Variants in FER observed in about 807,000 individuals in gnomAD.
The protein encoded by FER is FER tyrosine kinase, also known as tyrosine-protein kinase Fer.
FER carries 63 observed loss-of-function variants against 111.0 expected under a neutral mutation model. The ratio of observed to expected loss-of-function variants is 0.57; its 90% CI spans 0.46 to 0.70. FER has a LOEUF of 0.70. FER is among the 30% of genes least tolerant of loss of function. The probability of loss-of-function intolerance (pLI) is 0.00; values close to 1 mark genes in which losing one functional copy is unlikely to be tolerated. For synonymous variants in FER, 327 were observed against 313.9 expected, an observed-to-expected ratio of 1.04 and a Z score of -0.44; for missense variants, 914 against 954.0, an observed-to-expected ratio of 0.96 and a Z score of 0.55.
chr5:108,985,038 T>G (rs1762409759), intron 13 of FER, among the ~76,000 whole-genome samples: 1 of 152,040 alleles, frequency 6.6e-6, no homozygotes, highest in Non-Finnish European at 1.5e-5. Context: ...AAAAGAATAA[T>G]TCCAAGATAA....
intron 17 of FER, among the ~76,000 whole-genome samples, chr5:109,159,463 ATTC>A (rs1023530533): frequency 2.0e-5 from 3 of 152,226 alleles, no homozygotes; most frequent in Non-Finnish European, 4.4e-5. Flanking sequence ...GAATGAATGA[ATTC>A]ATGCTGATGG....
Position 109,190,364 on chromosome 5 carries a change from T to TA in FER, c.*2790dup, listed in dbSNP as rs1759294201. 1 of 151,650 alleles carries TA rather than the reference T, an allele frequency of 6.6e-6. No individual in the cohort carries two copies. The highest frequency in any genetic ancestry group is 2.4e-5 in the African/African-American group (1 of 41,362). 9.4% of individuals were successfully genotyped at this position (151,650 alleles called of 1,614,324 possible). Reference sequence around the variant, plus strand: ...TGTGTTGTTAATGGATTATTCAAGATATATATATATATTCTTACTACTGCA... The same window carrying TA: ...TGTGTTGTTAATGGATTATTCAAGATAATATATATATATTCTTACTACTGCA... On this transcript the variant is annotated 3_prime_UTR_variant, in exon 20 of 20. Transcript: ENST00000281092.
chr5:108,990,227 T>C (rs1254104013), intron 13 of FER, among the ~76,000 whole-genome samples: 1 of 151,930 alleles, frequency 6.6e-6, no homozygotes, highest in African/African-American at 2.4e-5. Context: ...TACATAGTAT[T>C]AGAAGGAAAC....
At chr5:108,779,010 CTTTTT>C (rs202242084) in intron 2 of FER, among the ~76,000 whole-genome samples, 1 of 143,378 alleles carries the variant, frequency 7.0e-6, no homozygotes, top group African/African-American at 2.5e-5. Context: ...TGTCTAGGCT[CTTTTT>C]TTTTTTTGCA....
intron 13 of FER, among the ~76,000 whole-genome samples, chr5:108,986,535 A>T (rs866973990): frequency 5.7e-4 from 87 of 152,052 alleles, no homozygotes; most frequent in African/African-American, 2.0e-3. Context: ...CAGTGTCTAG[A>T]AGTGTTTTTC....
chr5:108,922,606 G>T (rs1320225164), intron 10 of FER, among the ~76,000 whole-genome samples: 3 of 152,006 alleles, frequency 2.0e-5, no homozygotes, highest in Non-Finnish European at 2.9e-5. Context: ...CCTAATTAAT[G>T]CTTAATGAAT....
At chr5:109,134,750 T>C (rs903434249) in intron 17 of FER, among the ~76,000 whole-genome samples, 2 of 152,164 alleles carry the variant, frequency 1.3e-5, no homozygotes, top group Non-Finnish European at 2.9e-5. Context: ...AGGAACAGCA[T>C]GTAAATGCAT....
intron 13 of FER, among the ~76,000 whole-genome samples, chr5:109,021,702 CTG>C (rs1334339197): frequency 3.9e-5 from 6 of 152,030 alleles, no homozygotes; most frequent in Non-Finnish European, 8.8e-5. Flanking sequence ...TTCTACTAAA[CTG>C]TATGTCTTCT....
At chr5:109,079,745 T>C (rs1434821032) in intron 16 of FER, among the ~76,000 whole-genome samples, 1 of 151,938 alleles carries the variant, frequency 6.6e-6, no homozygotes, top group Non-Finnish European at 1.5e-5. Context: ...GCACAGAAAA[T>C]ATCACATTAG....
chr5:109,082,442 A>G (rs909782056), intron 16 of FER, among the ~76,000 whole-genome samples: 3 of 152,062 alleles, frequency 2.0e-5, no homozygotes, highest in African/African-American at 7.2e-5. Context: ...TCTAGATAAA[A>G]TACATGGATT....
chr5:109,147,204 CATT>C lies in FER; in HGVS notation c.2049-33541_2049-33539del, dbSNP rs1247127879. On this transcript the variant is annotated intron_variant, in intron 17 of 19. Transcript: ENST00000281092. ...TTAAAAAATGTTAAAATTGAATAGT[CATT>C]AAAGAAATACAGAATAAAAATAAAT... Among the ~76,000 whole-genome samples the C allele has an allele frequency of 3.3e-5, 5 of 151,802 alleles. No individual in the cohort carries two copies. In the East Asian group the frequency reaches 7.7e-4, roughly 23 times the overall value.
intron 2 of FER, among the ~76,000 whole-genome samples, chr5:108,772,833 A>G (rs147219619): frequency 1.7e-3 from 254 of 152,350 alleles, no homozygotes; most frequent in African/African-American, 5.8e-3. Flanking sequence ...ATCTAGGAAT[A>G]TGTATCTATT....
At chr5:108,797,918 T>C (rs1482330003) in intron 2 of FER, among the ~76,000 whole-genome samples, 3 of 152,218 alleles carry the variant, frequency 2.0e-5, no homozygotes, top group African/African-American at 7.2e-5. Flanking sequence ...ATTTCGTTTG[T>C]TTCACTGTAA....
At chr5:108,900,413 A>T (rs1234242843) in intron 10 of FER, among the ~76,000 whole-genome samples, 2 of 152,244 alleles carry the variant, frequency 1.3e-5, no homozygotes, top group Non-Finnish European at 1.5e-5. Context: ...ATGACTGTTT[A>T]AGCATTGCTT....
At chr5:108,986,419 T>C (rs1407519792) in intron 13 of FER, among the ~76,000 whole-genome samples, 1 of 152,186 alleles carries the variant, frequency 6.6e-6, no homozygotes, top group African/African-American at 2.4e-5. Flanking sequence ...GCTGATTGTT[T>C]CTTTTTCTGT....
intron 17 of FER, among the ~76,000 whole-genome samples, chr5:109,140,487 A>C (rs979558984): frequency 6.6e-6 from 1 of 152,240 alleles, no homozygotes; most frequent in Non-Finnish European, 1.5e-5. Context: ...ATAGAAAAAC[A>C]AAATTAGGAA....
chr5:109,162,958 C>T (rs1410273834), intron 17 of FER, among the ~76,000 whole-genome samples: 1 of 152,058 alleles, frequency 6.6e-6, no homozygotes, highest in African/African-American at 2.4e-5. Context: ...CATTACCACA[C>T]TTCCATCATC....
chr5:108,819,431 G>C (rs1758614925), intron 3 of FER, among the ~76,000 whole-genome samples: 1 of 152,110 alleles, frequency 6.6e-6, no homozygotes, highest in Admixed American at 6.5e-5. Context: ...TTAAGAATTA[G>C]TTTTGTATTT....
intron 9 of FER, among the ~76,000 whole-genome samples, chr5:108,889,955 C>T (rs1033570536): frequency 1.3e-5 from 2 of 151,826 alleles, no homozygotes; most frequent in African/African-American, 2.4e-5. Flanking sequence ...ATCCCGTGTA[C>T]CCTATACTCA....
Sources: gnomAD v4.1 joint callset for allele counts (sites outside exome capture counted in the v4.1 genomes callset) on GRCh38, gnomAD v4.1.1 for gene constraint, MANE v1.5 for transcripts, NCBI Gene and HGNC (gene_info 2026-07-23, HGNC 2026-07-21) for gene names.